The following VPS13A variants were observed in gnomAD, a reference collection of about 807,000 sequenced individuals.
VPS13A encodes vacuolar protein sorting 13 homolog A, also known as intermembrane lipid transfer protein VPS13A.
In VPS13A, 264 loss-of-function variants were observed where a neutral mutation model predicts 390.9. The observed-to-expected ratio is 0.68, with a 90% confidence interval of 0.61 to 0.75. The LOEUF is 0.75. Ranked by LOEUF, VPS13A falls within the 30% of genes least tolerant of loss-of-function variation. VPS13A has a pLI of 0.00. For missense variants in VPS13A, 3,409 were observed against 3,733.9 expected (o/e 0.91, Z 2.27); for synonymous variants, 1,231 against 1,227.1 (o/e 1.00, Z -0.07).
intron 1 of VPS13A, among the ~76,000 whole-genome samples, chr9:77,188,748 G>T (rs959719285): frequency 1.3e-5 from 2 of 152,164 alleles, no homozygotes; most frequent in Admixed American, 1.3e-4. Flanking sequence ...CACCAGCAGT[G>T]TGTAAGTGTT....
In VPS13A at chr9:77,339,468, T is replaced by C. The variant is rs144072808; in HGVS notation, c.6379-48T>C. ...ATAAATAGAATTTTGAGGCATATTA[T>C]TCTGCAACATTTTAAATTTTGTTTT... On this transcript the variant is annotated intron_variant, in intron 47 of 71. Coordinates refer to ENST00000360280, the MANE Select transcript of VPS13A (RefSeq NM_033305.3). 1.2e-4 allele frequency: 184 copies of C among 1,500,166 alleles called. No homozygotes were observed. The African/African-American group carries it at 2.3e-3, about 19-fold the overall frequency. 92.9% of individuals were successfully genotyped at this position (1,500,166 alleles called of 1,614,324 possible).
intron 46 of VPS13A, among the ~76,000 whole-genome samples, chr9:77,334,803 G>A (rs909605443): frequency 6.6e-6 from 1 of 152,100 alleles, no homozygotes; most frequent in Non-Finnish European, 1.5e-5. Context: ...AAGTAAGAGT[G>A]GAAAATAGAA....
intron 46 of VPS13A, among the ~76,000 whole-genome samples, chr9:77,336,271 G>T (rs1830532606): frequency 6.6e-6 from 1 of 152,052 alleles, no homozygotes; most frequent in Non-Finnish European, 1.5e-5. Flanking sequence ...ATTGATGGCT[G>T]CAGCAAACCA....
intron 23 of VPS13A, 21 bp downstream of exon 23, chr9:77,260,245 A>C (rs1825678742): frequency 6.2e-7 from 1 of 1,609,876 alleles, no homozygotes; most frequent in South Asian, 1.1e-5. Flanking sequence ...TTTCAAAATT[A>C]ATATAAGCAT....
chr9:77,230,327 C>T (rs1823755437), intron 17 of VPS13A, among the ~76,000 whole-genome samples: 1 of 151,924 alleles, frequency 6.6e-6, no homozygotes, highest in Non-Finnish European at 1.5e-5. Context: ...AATATATACT[C>T]CTATATATTC....
Position 77,369,946 on chromosome 9 carries a change from T to C in VPS13A, c.8668-311T>C, listed in dbSNP as rs542850027. On this transcript the variant is annotated intron_variant, in intron 63 of 71. Transcript: ENST00000360280. ...ATTTGAAATTTTTATTAAAGACTTA[T>C]CAAGAGTAGTTTGAACTGTGCTTGC... Among the ~76,000 whole-genome samples, 237 of 152,354 alleles carry C rather than the reference T, an allele frequency of 1.6e-3. 1 individual carries two copies. Among genetic ancestry groups the C allele is most frequent in the African/African-American group, 5.5e-3 (230 of 41,578 alleles).
chr9:77,350,693 T>C (rs1347983348), intron 52 of VPS13A, among the ~76,000 whole-genome samples: 4 of 152,108 alleles, frequency 2.6e-5, no homozygotes, highest in Admixed American at 1.3e-4. Context: ...TAGGGTTTTT[T>C]CCCCCCTATT....
chr9:77,352,347 A>AT (rs1186411549), intron 53 of VPS13A, among the ~76,000 whole-genome samples: 2 of 151,530 alleles, frequency 1.3e-5, no homozygotes, highest in African/African-American at 2.4e-5. Context: ...ACCACTGGTG[A>AT]TTTTTTCTTC....
intron 17 of VPS13A, among the ~76,000 whole-genome samples, chr9:77,230,944 A>G (rs1039672895): frequency 1.3e-5 from 2 of 152,172 alleles, no homozygotes; most frequent in Admixed American, 1.3e-4. Context: ...CAGTTTTCAG[A>G]TACAGTACAC....
At position 77,192,912 on chromosome 9, in the gene VPS13A, G is replaced by T. The variant is rs188798981; in HGVS notation, c.101-7033G>T. 1.9e-4 allele frequency among the ~76,000 whole-genome samples: 29 copies of T among 152,240 alleles called. No homozygotes were observed. In the East Asian group the frequency reaches 4.1e-3, roughly 21 times the overall value. ...CTCTAGCTAGGATGGGGAAATTTTT[G>T]TGGACAGTATCCTCAAATATGTTTC... On this transcript the variant is annotated intron_variant, in intron 1 of 71. Coordinates refer to ENST00000360280, the MANE Select transcript of VPS13A (RefSeq NM_033305.3).
intron 45 of VPS13A, among the ~76,000 whole-genome samples, chr9:77,328,641 A>T (rs1830127594): frequency 6.6e-6 from 1 of 152,202 alleles, no homozygotes; most frequent in South Asian, 2.1e-4. Flanking sequence ...TTGCCACTTC[A>T]TCTTGCACTT....
rs767816241 is a variant in VPS13A, at chr9:77,344,995, T to C, written c.7156-14T>C. ...AATGATTACATTAAAATGTTTTCTT[T>C]TTCTTTCTTCTAGCTTGGAGGTATT... On this transcript the variant is annotated splice_polypyrimidine_tract_variant and intron_variant, in intron 51 of 71. Coordinates refer to ENST00000360280, the MANE Select transcript of VPS13A (RefSeq NM_033305.3). The C allele has an allele frequency of 6.2e-7, 1 of 1,609,546 alleles. No individual in the cohort carries two copies. Among genetic ancestry groups the C allele is most frequent in the Non-Finnish European group, 8.5e-7 (1 of 1,179,524 alleles).
chr9:77,293,456 T>C lies in VPS13A; in HGVS notation c.3455T>C (p.Ile1152Thr), dbSNP rs1187500482. The C allele has an allele frequency of 1.9e-6, 3 of 1,604,942 alleles. No individual in the cohort carries two copies. The highest frequency in any genetic ancestry group is 2.6e-6 in the Non-Finnish European group (3 of 1,175,886). ...GTGGTTGACATTCAGGTTAATTTAA[T>C]AGTTGGTTGCATTGAAGTAGTTTTT... ...MNVVDIQVNL[I>T]VGCIEVVFVT... Residue 1152 changes from isoleucine (I) to threonine (T), a missense_variant, in exon 32 of 72, where the codon ATA becomes ACA. Physicochemically the swap from Ile to Thr is moderately conservative, Grantham distance 89. Around this residue, in one of 5 missense-constraint regions of VPS13A, gnomAD observed 2,717 missense variants for 2,917.4 expected, o/e 0.93. Transcript: ENST00000360280.
Position 77,399,580 on chromosome 9 carries a change from G to A in VPS13A, c.9190-3656G>A, listed in dbSNP as rs17063597. ...GTATGTAGGCTCTTGAATTCTATTAGCAGTGGCATTCTTGAGATCAACATT... is the reference window on the plus strand; with the variant it reads ...GTATGTAGGCTCTTGAATTCTATTAACAGTGGCATTCTTGAGATCAACATT... On this transcript the variant is annotated intron_variant, in intron 68 of 71. Coordinates refer to ENST00000360280, the MANE Select transcript of VPS13A (RefSeq NM_033305.3). 8.5e-3 allele frequency among the ~76,000 whole-genome samples: 1,287 copies of A among 152,234 alleles called. 10 individuals are homozygous for A. Among genetic ancestry groups the A allele is most frequent in the South Asian group, 0.014 (67 of 4,822 alleles).
Position 77,308,174 on chromosome 9 carries a change from CTTCT to C in VPS13A, c.4114+77_4114+80del, listed in dbSNP as rs998514939. On this transcript the variant is annotated intron_variant, in intron 35 of 71. Transcript: ENST00000360280. ...TCTTCTATCTTCTTCCCTCCCCTTC[CTTCT>C]GTCTTTTCCCTCCTTCCTCCCCTCT... 5 of 1,503,208 alleles carry C rather than the reference CTTCT, an allele frequency of 3.3e-6. No individual in the cohort carries two copies. The African/African-American group carries it at 5.5e-5, about 17-fold the overall frequency. The allele number at this position is 1,503,208 out of a possible 1,614,324, so 93.1% of individuals were successfully genotyped here.
At chr9:77,322,705 C>A (rs111636295) in intron 44 of VPS13A, among the ~76,000 whole-genome samples, 1 of 151,828 alleles carries the variant, frequency 6.6e-6, no homozygotes, top group Non-Finnish European at 1.5e-5. Context: ...AAATTAAAAA[C>A]AAAAATTGTA....
chr9:77,291,200 A>G (rs1419183781), intron 31 of VPS13A, among the ~76,000 whole-genome samples: 2 of 152,122 alleles, frequency 1.3e-5, no homozygotes, highest in African/African-American at 4.8e-5. Flanking sequence ...CCCTATTGTG[A>G]ACTGTGCATA....
chr9:77,222,331 T>C (rs1049168039), intron 13 of VPS13A, among the ~76,000 whole-genome samples: 3 of 152,230 alleles, frequency 2.0e-5, no homozygotes, highest in Non-Finnish European at 4.4e-5. Flanking sequence ...TGGGTTGTAG[T>C]TACTTCTCTT....
At chr9:77,341,836 T>C (rs1830844574) in intron 50 of VPS13A, among the ~76,000 whole-genome samples, 1 of 151,902 alleles carries the variant, frequency 6.6e-6, no homozygotes, top group Non-Finnish European at 1.5e-5. Flanking sequence ...TCAACAAATA[T>C]TGTTTATTTT....
Sources: allele counts gnomAD v4.1 joint callset (sites outside exome capture counted in the v4.1 genomes callset), GRCh38; gene constraint gnomAD v4.1.1; regional missense constraint gnomAD v4.1.1; transcripts MANE v1.5; gene names NCBI Gene and HGNC (gene_info 2026-07-23, HGNC 2026-07-21).